EPB41L3: variants seen among roughly 807,000 people sequenced by gnomAD.
EPB41L3 encodes band 4.1-like protein 3.
A neutral mutation model predicts 127.1 loss-of-function variants in EPB41L3; 57 were observed. The ratio of observed to expected loss-of-function variants is 0.45; its 90% CI spans 0.36 to 0.56. The LOEUF (loss-of-function observed/expected upper bound fraction) is 0.56. EPB41L3 is among the 20% of genes least tolerant of loss of function. The probability of loss-of-function intolerance (pLI) is 0.00; values close to 1 mark genes in which losing one functional copy is unlikely to be tolerated. For synonymous variants in EPB41L3, 572 were observed against 549.5 expected, an observed-to-expected ratio of 1.04 and a Z score of -0.57; for missense variants, 1,273 against 1,372.2, an observed-to-expected ratio of 0.93 and a Z score of 1.14.
intron 3 of EPB41L3, chr18:5,467,380 GC>G (rs3834978): frequency 0.3 from 45,975 of 152,022 alleles, 7,602 homozygotes; most frequent in East Asian, 0.47. Context: ...ATGATACTCT[GC>G]CCACTGACTA....
intron 1 of EPB41L3, among the ~76,000 whole-genome samples, chr18:5,522,698 G>C (rs2093044559): frequency 6.6e-6 from 1 of 152,048 alleles, no homozygotes; most frequent in Non-Finnish European, 1.5e-5. Context: ...TTAAGGAGTT[G>C]AAAAAAATGA....
At chr18:5,475,593 A>G (rs559697451) in intron 3 of EPB41L3, among the ~76,000 whole-genome samples, 2 of 152,342 alleles carry the variant, frequency 1.3e-5, no homozygotes, top group East Asian at 3.9e-4. Context: ...ATGAGTTTGT[A>G]ATGAACTTAA....
At chr18:5,603,186 AG>A (rs1419044359) in intron 3 of EPB41L3, among the ~76,000 whole-genome samples, 1 of 152,186 alleles carries the variant, frequency 6.6e-6, no homozygotes, top group Non-Finnish European at 1.5e-5. Context: ...ATTAAAGATA[AG>A]GTAGAAAAAA....
chr18:5,594,191 T>C (rs542567812), intron 3 of EPB41L3, among the ~76,000 whole-genome samples: 1 of 152,328 alleles, frequency 6.6e-6, no homozygotes, highest in Admixed American at 6.5e-5. Flanking sequence ...TAAGAAATTA[T>C]AAAAGTATTA....
chr18:5,461,962 G>A (rs1189292753), intron 3 of EPB41L3, among the ~76,000 whole-genome samples: 1 of 152,152 alleles, frequency 6.6e-6, no homozygotes, highest in Non-Finnish European at 1.5e-5. Flanking sequence ...GAGGGAGTGA[G>A]ACCAATAGTT....
At chr18:5,535,836 A>C (rs1029674877) in intron 1 of EPB41L3, among the ~76,000 whole-genome samples, 12 of 152,250 alleles carry the variant, frequency 7.9e-5, no homozygotes, top group Admixed American at 1.3e-4. Flanking sequence ...TGTGAATGGA[A>C]TATGACATTT....
At chr18:5,459,727 A>C (rs1212069540) in intron 3 of EPB41L3, among the ~76,000 whole-genome samples, 1 of 152,214 alleles carries the variant, frequency 6.6e-6, no homozygotes, top group Non-Finnish European at 1.5e-5. Context: ...TAATAATATC[A>C]GTGTGTAACA....
intron 15 of EPB41L3, chr18:5,407,201 T>C (rs897191105): frequency 2.6e-5 from 14 of 541,918 alleles, no homozygotes; most frequent in Non-Finnish European, 3.9e-5. Flanking sequence ...AAAAGAATTT[T>C]AGAAGGCAAA....
Position 5,403,764 on chromosome 18 carries a change from A to C in EPB41L3, c.2349+3013T>G, listed in dbSNP as rs555755234. Among the ~76,000 whole-genome samples the C allele has an allele frequency of 2.0e-5, 3 of 152,212 alleles. No homozygotes were observed. The South Asian group carries it at 6.2e-4, about 32-fold the overall frequency. ...TGGAAGTAACTGGATTTCTTTCTAA[A>C]CTGGTTGACTACTGTTTAATTGAAG... On this transcript the variant is annotated intron_variant, in intron 16 of 22. Coordinates refer to ENST00000341928, the MANE Select transcript of EPB41L3 (RefSeq NM_012307.5).
chr18:5,420,504 TA>T (rs2077344272), intron 11 of EPB41L3, among the ~76,000 whole-genome samples: 1 of 152,226 alleles, frequency 6.6e-6, no homozygotes, highest in African/African-American at 2.4e-5. Flanking sequence ...TCCATTCACC[TA>T]AAGTACAGAA....
intron 20 of EPB41L3, 83 bp downstream of exon 20, chr18:5,395,526 C>G: frequency 7.5e-7 from 1 of 1,335,170 alleles, no homozygotes; most frequent in Non-Finnish European, 1.1e-6. Flanking sequence ...GCTTGTGCAG[C>G]CCAACCTGTG....
intron 1 of EPB41L3, among the ~76,000 whole-genome samples, chr18:5,619,496 C>T (rs1039258906): frequency 1.3e-5 from 2 of 152,136 alleles, no homozygotes; most frequent in African/African-American, 4.8e-5. Flanking sequence ...GCACCTTCCA[C>T]AAAAAGCCAT....
At chr18:5,600,133 T>A (rs536686970) in intron 3 of EPB41L3, among the ~76,000 whole-genome samples, 15 of 152,248 alleles carry the variant, frequency 9.9e-5, no homozygotes, top group African/African-American at 3.6e-4. Context: ...AATAAAATCA[T>A]TGATCTAAAA....
At chr18:5,404,934 A>G (rs958445388) in intron 16 of EPB41L3, among the ~76,000 whole-genome samples, 2 of 152,354 alleles carry the variant, frequency 1.3e-5, no homozygotes, top group South Asian at 4.1e-4. Context: ...AAGGACTATT[A>G]TATTTAAATC....
intron 3 of EPB41L3, among the ~76,000 whole-genome samples, chr18:5,464,210 A>C (rs574954739): frequency 6.6e-6 from 1 of 152,342 alleles, no homozygotes; most frequent in South Asian, 2.1e-4. Context: ...AAATATGTGA[A>C]TACTACTTGA....
At chr18:5,530,571 A>G (rs1178433362) in intron 1 of EPB41L3, among the ~76,000 whole-genome samples, 1 of 151,880 alleles carries the variant, frequency 6.6e-6, no homozygotes, top group Non-Finnish European at 1.5e-5. Context: ...CTCGGAGCCC[A>G]TCTTACTCGT....
chr18:5,609,655 C>T (rs952993716), intron 3 of EPB41L3, among the ~76,000 whole-genome samples: 1 of 152,238 alleles, frequency 6.6e-6, no homozygotes, highest in East Asian at 1.9e-4. Context: ...ACATCAACAA[C>T]GTACAATTTC....
chr18:5,409,478 C>CTTT (rs1418301698), intron 14 of EPB41L3, among the ~76,000 whole-genome samples: 1 of 151,990 alleles, frequency 6.6e-6, no homozygotes, highest in Non-Finnish European at 1.5e-5. Context: ...TATATGATTG[C>CTTT]TTAAAAGAAT....
rs2082152058 is a variant in EPB41L3, at chr18:5,450,517, C to G, written c.382-5273G>C. Among the ~76,000 whole-genome samples, 5 of 151,940 alleles carry G rather than the reference C, an allele frequency of 3.3e-5. No homozygotes were observed. In the South Asian group the frequency reaches 1.0e-3, roughly 32 times the overall value. Reference sequence around the variant, plus strand: ...GGGGTATATAGGAACTCTGTGCTTTCTGCTCAAGTTTTTCTATAAACCTAA... The same window carrying G: ...GGGGTATATAGGAACTCTGTGCTTTGTGCTCAAGTTTTTCTATAAACCTAA... On this transcript the variant is annotated intron_variant, in intron 3 of 22. Coordinates refer to ENST00000341928, the MANE Select transcript of EPB41L3 (RefSeq NM_012307.5).
Sources: gnomAD v4.1 joint callset for allele counts (sites outside exome capture counted in the v4.1 genomes callset) on GRCh38, gnomAD v4.1.1 for gene constraint, MANE v1.5 for transcripts, NCBI Gene and HGNC (gene_info 2026-07-23, HGNC 2026-07-21) for gene names.